Variants in DCDC1 observed in about 807,000 individuals in gnomAD.
DCDC1 encodes doublecortin domain-containing protein 1.
DCDC1 carries 200 observed loss-of-function variants against 178.3 expected under a neutral mutation model. The observed-to-expected ratio is 1.12, with a 90% CI of 1.00 to 1.26. DCDC1 has a LOEUF of 1.26. Ranked by LOEUF, DCDC1 falls within the 50% of genes most tolerant of loss-of-function variation. DCDC1 has a pLI of 0.00. For synonymous variants in DCDC1, 690 were observed against 604.8 expected (o/e 1.14, Z -2.07); for missense variants, 1,983 against 1,749.2 (o/e 1.13, Z -2.38).
intron 9 of DCDC1, among the ~76,000 whole-genome samples, chr11:31,232,651 T>C (rs192823282): frequency 1.4e-4 from 22 of 152,320 alleles, no homozygotes; most frequent in African/African-American, 4.6e-4. Flanking sequence ...CTAATGAAGA[T>C]AGGCTTTAGT....
intron 9 of DCDC1, among the ~76,000 whole-genome samples, chr11:31,224,188 GTA>G (rs1458547969): frequency 2.6e-5 from 4 of 151,864 alleles, no homozygotes; most frequent in Non-Finnish European, 5.9e-5. Flanking sequence ...CCAGTCTCAG[GTA>G]TGTCTTTATC....
intron 8 of DCDC1, among the ~76,000 whole-genome samples, chr11:31,261,718 G>A (rs1157291057): frequency 6.6e-6 from 1 of 152,060 alleles, no homozygotes; most frequent in Admixed American, 6.6e-5. Flanking sequence ...ATCCCCCACG[G>A]ATACCAAGGA....
intron 17 of DCDC1, among the ~76,000 whole-genome samples, chr11:31,080,921 C>T (rs1262238426): frequency 3.9e-5 from 6 of 152,160 alleles, no homozygotes; most frequent in Admixed American, 3.9e-4. Flanking sequence ...CTGATGTTAA[C>T]CATACAAATC....
At chr11:31,025,279 C>A (rs542788348) in intron 20 of DCDC1, among the ~76,000 whole-genome samples, 8 of 151,730 alleles carry the variant, frequency 5.3e-5, no homozygotes, top group African/African-American at 1.9e-4. Flanking sequence ...AAGCTCCCAT[C>A]TCATCTGCTG....
At position 30,909,097 on chromosome 11, in the gene DCDC1, T is replaced by C. The variant is rs746012559; in HGVS notation, c.3767A>G (p.Asn1256Ser). ...ATGCCACTTTTGATTGGCAGCTCCA[T>C]TGTTGTACGGCTTATATTTCTGAAA... The part of the protein sequence containing the change: ...VIVQKYKPYN[N>S]GAANQKWHYM... Residue 1256 changes from asparagine (N) to serine (S), a missense_variant, in exon 29 of 39, where the codon AAT becomes AGT. By Grantham distance (46) the Asn-to-Ser change is conservative. Transcript: ENST00000684477. 1.2e-5 allele frequency: 20 copies of C among 1,611,008 alleles called. No individual in the cohort carries two copies. The highest frequency in any genetic ancestry group is 1.7e-5 in the Non-Finnish European group (20 of 1,177,954).
chr11:31,175,274 C>G (rs1345831579), intron 9 of DCDC1, among the ~76,000 whole-genome samples: 1 of 152,208 alleles, frequency 6.6e-6, no homozygotes, highest in East Asian at 1.9e-4. Context: ...CCCACCCAGC[C>G]ACAACCAGTG....
At chr11:31,142,488 A>G (rs200665208) in intron 9 of DCDC1, among the ~76,000 whole-genome samples, 4 of 150,374 alleles carry the variant, frequency 2.7e-5, no homozygotes, top group Non-Finnish European at 4.4e-5. Flanking sequence ...GTGTGTGTGT[A>G]TGTGTGTGTG....
intron 20 of DCDC1, among the ~76,000 whole-genome samples, chr11:31,057,869 C>G (rs1021394873): frequency 5.3e-5 from 8 of 152,046 alleles, no homozygotes; most frequent in African/African-American, 1.9e-4. Context: ...GAGGAGTGTT[C>G]AGGATGAACT....
At position 30,908,969 on chromosome 11, in the gene DCDC1, T is replaced by C; in HGVS notation, c.3895A>G (p.Lys1299Glu). 6.2e-7 allele frequency: 1 copy of C among 1,604,478 alleles called. No homozygotes were observed. Among genetic ancestry groups the C allele is most frequent in the Non-Finnish European group, 8.5e-7 (1 of 1,174,650 alleles). ...ACTGGTTGATCAATGTTTTCTTCTT[T>C]AATCACAGATGATGTACAGACACCA... ...YAGVCTSSVI[K>E]EENIDQPGYC... The change falls in exon 29 of 39, where the codon AAA becomes GAA. Residue 1299 changes from lysine (K) to glutamate (E), a missense_variant. Coordinates refer to ENST00000684477, the MANE Select transcript of DCDC1 (RefSeq NM_001387274.1).
intron 25 of DCDC1, among the ~76,000 whole-genome samples, chr11:30,919,468 A>G (rs1399550351): frequency 6.6e-6 from 1 of 152,166 alleles, no homozygotes; most frequent in African/African-American, 2.4e-5. Flanking sequence ...CAGAACAATG[A>G]CGATCTTTGC....
chr11:31,115,592 A>C (rs1269430905), intron 11 of DCDC1, among the ~76,000 whole-genome samples: 1 of 152,186 alleles, frequency 6.6e-6, no homozygotes, highest in African/African-American at 2.4e-5. Context: ...ACACAAAACT[A>C]TCTGGCATAT....
intron 20 of DCDC1, among the ~76,000 whole-genome samples, chr11:31,014,248 C>T (rs1952348356): frequency 6.6e-6 from 1 of 151,904 alleles, no homozygotes; most frequent in African/African-American, 2.4e-5. Flanking sequence ...CCCCTCCCTT[C>T]CTCTCTTTGT....
At chr11:31,361,189 C>T (rs944937769) in intron 1 of DCDC1, among the ~76,000 whole-genome samples, 2 of 152,066 alleles carry the variant, frequency 1.3e-5, no homozygotes, top group Admixed American at 6.5e-5. Flanking sequence ...ATAAAAAGAA[C>T]GGTTTTAAAG....
intron 9 of DCDC1, among the ~76,000 whole-genome samples, chr11:31,183,801 G>C (rs1184938605): frequency 6.6e-6 from 1 of 152,122 alleles, no homozygotes; most frequent in African/African-American, 2.4e-5. Flanking sequence ...GGATGCTCAA[G>C]GAAAAACATT....
chr11:31,306,092 T>C, intron 5 of DCDC1, 140 bp downstream of exon 5: 1 of 892,874 alleles, frequency 1.1e-6, no homozygotes, highest in Non-Finnish European at 1.5e-6. Context: ...GAAATTCCTA[T>C]GAAATCTACG....
In DCDC1 at chr11:30,939,963, G is replaced by A. The variant is rs373453700; in HGVS notation, c.2716-8011C>T. ...CTATGGTTTTTGGACTATTAAGGCTGTCTCTTCTTGGGTCCATTTTGTTAC... is the reference window on the plus strand; with the variant it reads ...CTATGGTTTTTGGACTATTAAGGCTATCTCTTCTTGGGTCCATTTTGTTAC... On this transcript the variant is annotated intron_variant, in intron 21 of 38. Coordinates refer to ENST00000684477, the MANE Select transcript of DCDC1 (RefSeq NM_001387274.1). 3.7e-4 allele frequency among the ~76,000 whole-genome samples: 56 copies of A among 152,212 alleles called. No homozygotes were observed. In the South Asian group the frequency reaches 0.011, roughly 31 times the overall value.
At chr11:31,055,982 A>T in intron 20 of DCDC1, among the ~76,000 whole-genome samples, 1 of 152,180 alleles carries the variant, frequency 6.6e-6, no homozygotes, top group East Asian at 1.9e-4. Flanking sequence ...TACCACCTGT[A>T]CCCTAATAAA....
chr11:31,191,363 A>T (rs535416906), intron 9 of DCDC1, among the ~76,000 whole-genome samples: 1 of 152,162 alleles, frequency 6.6e-6, no homozygotes, highest in African/African-American at 2.4e-5. Flanking sequence ...TTCCTTTAAT[A>T]ATAACACTTC....
At chr11:30,921,753 G>T (rs1341915936) in intron 24 of DCDC1, among the ~76,000 whole-genome samples, 1 of 152,178 alleles carries the variant, frequency 6.6e-6, no homozygotes, top group Non-Finnish European at 1.5e-5. Context: ...TGAGGACACT[G>T]CCCATTGTCC....
Sources: gnomAD v4.1 joint callset for allele counts (sites outside exome capture counted in the v4.1 genomes callset) on GRCh38, gnomAD v4.1.1 for gene constraint, MANE v1.5 for transcripts, NCBI Gene and HGNC (gene_info 2026-07-23, HGNC 2026-07-21) for gene names.